Variants in SCAPER observed in about 807,000 individuals in gnomAD.
SCAPER encodes S phase cyclin A-associated protein in the endoplasmic reticulum.
A neutral mutation model predicts 182.2 loss-of-function variants in SCAPER; 98 were observed. The ratio of observed to expected loss-of-function variants is 0.54; its 90% CI spans 0.46 to 0.64. The LOEUF (loss-of-function observed/expected upper bound fraction) is 0.64. SCAPER is among the 30% of genes least tolerant of loss of function. The pLI, the probability that SCAPER is intolerant of heterozygous loss-of-function variation, is 0.00. For synonymous variants in SCAPER, 605 were observed against 564.6 expected (o/e 1.07, Z -1.01); for missense variants, 1,432 against 1,690.0 (o/e 0.85, Z 2.68).
intron 23 of SCAPER, among the ~76,000 whole-genome samples, chr15:76,531,074 T>C (rs1294018531): frequency 6.6e-6 from 1 of 151,930 alleles, no homozygotes; most frequent in Non-Finnish European, 1.5e-5. Flanking sequence ...TAAAAACAAT[T>C]ATCTAATTGA....
chr15:76,557,210 C>T (rs1344620366), intron 23 of SCAPER, among the ~76,000 whole-genome samples: 2 of 152,052 alleles, frequency 1.3e-5, no homozygotes, highest in African/African-American at 2.4e-5. Context: ...AATGCTATTC[C>T]TATCAAAGTA....
At chr15:76,726,723 GA>G (rs1406298521) in intron 17 of SCAPER, among the ~76,000 whole-genome samples, 5 of 152,052 alleles carry the variant, frequency 3.3e-5, no homozygotes, top group African/African-American at 1.2e-4. Context: ...AAGACATTAG[GA>G]TAAGTCACAA....
intron 25 of SCAPER, among the ~76,000 whole-genome samples, chr15:76,455,073 G>A (rs1005219101): frequency 6.6e-6 from 1 of 151,944 alleles, no homozygotes; most frequent in Non-Finnish European, 1.5e-5. Context: ...CATTATTTGT[G>A]CCTCTTCTTT....
chr15:76,404,382 G>C, intron 27 of SCAPER, 142 bp downstream of exon 27: 4 of 768,324 alleles, frequency 5.2e-6, no homozygotes, highest in Non-Finnish European at 8.1e-6. Context: ...TCTCAATATA[G>C]AAAGCCAATG....
intron 17 of SCAPER, among the ~76,000 whole-genome samples, chr15:76,716,253 A>T (rs1300432436): frequency 6.6e-6 from 1 of 152,164 alleles, no homozygotes; most frequent in Non-Finnish European, 1.5e-5. Flanking sequence ...GCACCCACAC[A>T]GAAGCAGAGC....
chr15:76,372,512 G>A (rs1417900194), intron 29 of SCAPER, among the ~76,000 whole-genome samples: 1 of 152,196 alleles, frequency 6.6e-6, no homozygotes, highest in Non-Finnish European at 1.5e-5. Flanking sequence ...GGATTAGTCT[G>A]TGATCCAGCA....
At chr15:76,362,695 G>C (rs897179858) in intron 29 of SCAPER, among the ~76,000 whole-genome samples, 6 of 151,994 alleles carry the variant, frequency 3.9e-5, no homozygotes, top group African/African-American at 1.5e-4. Flanking sequence ...ACAGGTGTAA[G>C]CCACTGCGCT....
chr15:76,770,082 T>A (rs2063369081), intron 10 of SCAPER, among the ~76,000 whole-genome samples: 1 of 152,004 alleles, frequency 6.6e-6, no homozygotes, highest in Non-Finnish European at 1.5e-5. Context: ...GAAACCATCA[T>A]TCTAAGCAAA....
rs149983939 is a variant in SCAPER at position 76,364,411 on chromosome 15, A to C, written c.3856-10271T>G. Among the ~76,000 whole-genome samples, 139 of 152,204 alleles carry C rather than the reference A, an allele frequency of 9.1e-4. 1 individual carries two copies. The highest frequency in any genetic ancestry group is 3.1e-3 in the African/African-American group (127 of 41,540). Reference sequence around the variant, plus strand: ...AGAAAGTAGCCAGGATCACCAGAAGAAGCTAAAAAGCCAGTAGTTGGGGGC... The same window carrying C: ...AGAAAGTAGCCAGGATCACCAGAAGCAGCTAAAAAGCCAGTAGTTGGGGGC... On this transcript the variant is annotated intron_variant, in intron 29 of 31. Transcript: ENST00000563290.
At chr15:76,734,511 A>C (rs2061124100) in intron 15 of SCAPER, among the ~76,000 whole-genome samples, 1 of 152,214 alleles carries the variant, frequency 6.6e-6, no homozygotes, top group Non-Finnish European at 1.5e-5. Flanking sequence ...CCATGCCATG[A>C]TACCACTTTC....
intron 23 of SCAPER, among the ~76,000 whole-genome samples, chr15:76,571,569 T>A (rs1244996087): frequency 6.6e-6 from 1 of 152,144 alleles, no homozygotes; most frequent in Non-Finnish European, 1.5e-5. Flanking sequence ...CTCAGAACTT[T>A]AGAAAAATTA....
Position 76,765,487 on chromosome 15 carries a change from C to A in SCAPER, c.1496-33G>T, listed in dbSNP as rs1349881745. On this transcript the variant is annotated intron_variant, in intron 12 of 31. Coordinates refer to ENST00000563290, the MANE Select transcript of SCAPER (RefSeq NM_020843.4). ...GAAAAAAATACTATTATTGTTTAGC[C>A]ACATAGGTCTATAAAACATTTGAGA... 5 of 1,609,662 alleles carry A rather than the reference C, an allele frequency of 3.1e-6. No homozygotes were observed. The African/African-American group carries it at 5.3e-5, about 17-fold the overall frequency.
chr15:76,466,568 G>T (rs1160708151), intron 25 of SCAPER, among the ~76,000 whole-genome samples: 3 of 150,654 alleles, frequency 2.0e-5, no homozygotes, highest in African/African-American at 7.3e-5. Context: ...GTTTCTTTAG[G>T]ATTGGTTTGT....
intron 1 of SCAPER, among the ~76,000 whole-genome samples, chr15:76,904,443 C>T (rs2074955966): frequency 6.6e-6 from 1 of 152,134 alleles, no homozygotes; most frequent in African/African-American, 2.4e-5. Flanking sequence ...AATAACTTGT[C>T]ACAACTAGAA....
intron 2 of SCAPER, among the ~76,000 whole-genome samples, chr15:76,880,824 T>C (rs568837546): frequency 6.6e-6 from 1 of 151,620 alleles, no homozygotes; most frequent in Non-Finnish European, 1.5e-5. Context: ...TTTGAAAATA[T>C]AAAAGATAAA....
In SCAPER at chr15:76,443,903, T is replaced by C. The variant is rs1192697264; in HGVS notation, c.3079-9593A>G. 3.3e-5 allele frequency among the ~76,000 whole-genome samples: 5 copies of C among 152,306 alleles called. No individual in the cohort carries two copies. The East Asian group carries it at 7.7e-4, about 23-fold the overall frequency. On this transcript the variant is annotated intron_variant, in intron 25 of 31. Transcript: ENST00000563290. ...AGCAATGGCTACCAAGAGGTGGAAA[T>C]AGCCCAGTCAAAGCAAATGCGGACC...
chr15:76,569,711 T>C (rs965099165), intron 23 of SCAPER, among the ~76,000 whole-genome samples: 1 of 152,034 alleles, frequency 6.6e-6, no homozygotes, highest in Non-Finnish European at 1.5e-5. Context: ...TTTTATACTC[T>C]TCTTTTCATT....
At chr15:76,362,452 G>A (rs192020736) in intron 29 of SCAPER, among the ~76,000 whole-genome samples, 46 of 145,304 alleles carry the variant, frequency 3.2e-4, no homozygotes, top group African/African-American at 9.0e-4. Context: ...TTGCTCTGTC[G>A]CCCAGGCTGG....
At chr15:76,360,610 C>G (rs181209377) in intron 29 of SCAPER, among the ~76,000 whole-genome samples, 394 of 152,284 alleles carry the variant, frequency 2.6e-3, no homozygotes, top group Non-Finnish European at 3.9e-3. Flanking sequence ...TCTGCCAGCC[C>G]GGATGAAGAT....
Sources: allele counts gnomAD v4.1 joint callset (sites outside exome capture counted in the v4.1 genomes callset), GRCh38; gene constraint gnomAD v4.1.1; transcripts MANE v1.5; gene names NCBI Gene and HGNC (gene_info 2026-07-23, HGNC 2026-07-21).